Variants in ADAM22 observed in about 807,000 individuals in gnomAD.
ADAM22 encodes disintegrin and metalloproteinase domain-containing protein 22.
Under a neutral mutation model 144.6 loss-of-function variants are expected in ADAM22, and 65 were observed. That is an observed-to-expected ratio of 0.45 (90% CI 0.37 to 0.55). The LOEUF (loss-of-function observed/expected upper bound fraction) is 0.55, where lower values mean the gene tolerates loss of function less well. ADAM22 is among the 20% of genes least tolerant of loss of function. The pLI is 0.00. For missense variants in ADAM22, 974 were observed against 1,184.9 expected, an observed-to-expected ratio of 0.82 and a Z score of 2.61; for synonymous variants, 391 against 412.6, an observed-to-expected ratio of 0.95 and a Z score of 0.63.
At position 87,935,041 on chromosome 7, in the gene ADAM22, T is replaced by C. The variant is rs1840881123; in HGVS notation, c.101T>C (p.Met34Thr). The C allele has an allele frequency of 1.9e-6, 3 of 1,614,160 alleles. No homozygotes were observed. The highest frequency in any genetic ancestry group is 1.7e-5 in the Admixed American group (1 of 60,024). ...CTGCCTGGAGGAGACGCCTCATTGA[T>C]GGAGCTAGAGAAGAGGAAGGAAAAC... ...RCGQAGDASLMELEKRKENRF... is the reference protein window; with the variant it reads ...RCGQAGDASLTELEKRKENRF... Residue 34 changes from methionine to threonine, a missense_variant, in exon 2 of 32, where the codon ATG (methionine) becomes ACG (threonine). Met to Thr is a moderately conservative substitution (Grantham distance 81). Coordinates refer to ENST00000413139, the MANE Select transcript of ADAM22 (RefSeq NM_001324418.2).
rs771524294 is a variant in ADAM22 at position 88,193,144 on chromosome 7, T to A, written c.2779T>A (p.Ser927Thr). 2.5e-5 allele frequency: 40 copies of A among 1,614,130 alleles called. No homozygotes were observed. The highest frequency in any genetic ancestry group is 3.4e-5 in the Non-Finnish European group (40 of 1,179,980). Reference protein sequence around the residue: ...RTLSPAKSPSSSTGSIASSRK... With the variant: ...RTLSPAKSPSTSTGSIASSRK... The stretch of plus-strand genomic sequence containing the variant: ...TTTATCTCCTGCCAAGTCTCCTTCT[T>A]CATCAACTGGGTCTATTGCCTCCAG... The change falls in exon 31 of 32, where the codon TCA (serine) becomes ACA (threonine). Residue 927 changes from serine (S) to threonine (T), a missense_variant. Transcript: ENST00000413139.
intron 4 of ADAM22, among the ~76,000 whole-genome samples, chr7:88,103,589 A>G (rs545009750): frequency 6.6e-6 from 1 of 152,284 alleles, no homozygotes; most frequent in East Asian, 1.9e-4. Context: ...ATCAAGGAGT[A>G]TGAAGAAAGT....
chr7:88,142,282 C>T (rs992313446), intron 14 of ADAM22, among the ~76,000 whole-genome samples: 1 of 152,156 alleles, frequency 6.6e-6, no homozygotes, highest in Non-Finnish European at 1.5e-5. Flanking sequence ...CAAAAGGAAT[C>T]ACATTTGGTT....
chr7:88,119,561 T>C (rs964198712), intron 7 of ADAM22, among the ~76,000 whole-genome samples: 1 of 152,220 alleles, frequency 6.6e-6, no homozygotes, highest in Non-Finnish European at 1.5e-5. Context: ...CGATCTCGGC[T>C]CACTGCAGCC....
chr7:87,949,551 T>G (rs1403815245), intron 2 of ADAM22, among the ~76,000 whole-genome samples: 1 of 152,226 alleles, frequency 6.6e-6, no homozygotes, highest in Non-Finnish European at 1.5e-5. Flanking sequence ...TTTAAGACAA[T>G]GATGTATGTC....
At chr7:88,022,033 T>A (rs1797950608) in intron 3 of ADAM22, among the ~76,000 whole-genome samples, 1 of 151,916 alleles carries the variant, frequency 6.6e-6, no homozygotes, top group Non-Finnish European at 1.5e-5. Context: ...CCACCATGCC[T>A]GGCTAATTAA....
intron 14 of ADAM22, among the ~76,000 whole-genome samples, chr7:88,137,740 CT>C (rs1350353616): frequency 1.3e-5 from 2 of 152,106 alleles, no homozygotes; most frequent in African/African-American, 4.8e-5. Flanking sequence ...CATCATAATC[CT>C]TTGTACAAAC....
At chr7:88,035,539 T>A (rs1377733801) in intron 3 of ADAM22, among the ~76,000 whole-genome samples, 1 of 152,256 alleles carries the variant, frequency 6.6e-6, no homozygotes, top group Non-Finnish European at 1.5e-5. Context: ...ATTCATAGAT[T>A]CAACCAACCG....
At chr7:88,162,097 T>C (rs1306930515) in intron 22 of ADAM22, among the ~76,000 whole-genome samples, 2 of 136,744 alleles carry the variant, frequency 1.5e-5, no homozygotes, top group Admixed American at 7.4e-5. Flanking sequence ...AAATGTGTAA[T>C]ACACACACAC....
At chr7:88,073,385 A>C (rs921934138) in intron 3 of ADAM22, among the ~76,000 whole-genome samples, 1 of 152,216 alleles carries the variant, frequency 6.6e-6, no homozygotes, top group African/African-American at 2.4e-5. Flanking sequence ...CCCGGCTACC[A>C]TGCTGAGGGC....
rs544742823 is a variant in ADAM22 at position 88,079,370 on chromosome 7, C to T, written c.390+3678C>T. On this transcript the variant is annotated intron_variant, in intron 4 of 31. Transcript: ENST00000413139. ...AGCACTAAACAGGGAAAGGAACAAC[C>T]GGTACCAGCCGCTGCAAAAACATGC... Among the ~76,000 whole-genome samples, 366 of 152,252 alleles carry T rather than the reference C, an allele frequency of 2.4e-3. 3 individuals are homozygous for T. The highest frequency in any genetic ancestry group is 8.1e-3 in the African/African-American group (336 of 41,544).
chr7:88,020,181 T>A (rs1797499380), intron 3 of ADAM22, among the ~76,000 whole-genome samples: 1 of 152,156 alleles, frequency 6.6e-6, no homozygotes, highest in Admixed American at 6.5e-5. Context: ...TGAGTATTAG[T>A]CATGGCAAGG....
intron 23 of ADAM22, among the ~76,000 whole-genome samples, chr7:88,164,954 C>T (rs922585359): frequency 2.6e-5 from 4 of 152,034 alleles, no homozygotes; most frequent in Non-Finnish European, 1.5e-5. Context: ...AAACCTTTTT[C>T]GTTCTGCCTA....
intron 3 of ADAM22, among the ~76,000 whole-genome samples, chr7:88,064,425 A>G (rs992728827): frequency 1.3e-5 from 2 of 152,142 alleles, no homozygotes; most frequent in African/African-American, 2.4e-5. Context: ...CCTCATCTAT[A>G]TGGAGATACT....
intron 3 of ADAM22, among the ~76,000 whole-genome samples, chr7:88,019,673 C>G (rs1234487175): frequency 6.6e-6 from 1 of 151,910 alleles, no homozygotes; most frequent in African/African-American, 2.4e-5. Flanking sequence ...CACGGTAAAA[C>G]CCTGTGTCTA....
rs1325588683 is a variant in ADAM22, at chr7:87,982,066, TATAC to T, written c.323+3656_323+3659del. ...TTTCATATATATATATATATATATA[TATAC>T]ACACACACACACACACACACACACA... On this transcript the variant is annotated intron_variant, in intron 3 of 31. Coordinates refer to ENST00000413139, the MANE Select transcript of ADAM22 (RefSeq NM_001324418.2). Among the ~76,000 whole-genome samples, 489 of 86,402 alleles carry T rather than the reference TATAC, an allele frequency of 5.7e-3. 4 individuals carry two copies. The highest frequency in any genetic ancestry group is 0.024 in the African/African-American group (434 of 18,382). 56.7% of individuals were successfully genotyped at this position (86,402 alleles called of 152,430 possible).
rs754832182 is a variant in ADAM22, at chr7:88,193,215, G to C, written c.2850G>C (p.Lys950Asn). The C allele has an allele frequency of 2.5e-5, 40 of 1,614,058 alleles. No homozygotes were observed. The highest frequency in any genetic ancestry group is 3.4e-5 in the Non-Finnish European group (40 of 1,179,944). The change falls in exon 31 of 32, where the codon AAG (lysine) becomes AAC (asparagine). Residue 950 changes from lysine (K) to asparagine (N), a missense_variant. By Grantham distance (94) the Lys-to-Asn change is moderately conservative (BLOSUM62 0). Coordinates refer to ENST00000413139, the MANE Select transcript of ADAM22 (RefSeq NM_001324418.2). Reference sequence around the variant, plus strand: ...TGCCTCCACTTCCTGATGAGGACAAGAAAGTGAACCGACAAAGTGCCAGGG... The same window carrying C: ...TGCCTCCACTTCCTGATGAGGACAACAAAGTGAACCGACAAAGTGCCAGGG... ...YPMPPLPDED[K>N]KVNRQSARLW...
Position 88,116,821 on chromosome 7 carries a change from T to A in ADAM22, c.607+7T>A. On this transcript the variant is annotated splice_region_variant and intron_variant, in intron 7 of 31. Coordinates refer to ENST00000413139, the MANE Select transcript of ADAM22 (RefSeq NM_001324418.2). ...TTGGATGATCTTCCATCTGGTATGA[T>A]GTTCATATAGTGACTTTTTATCTAA... 2 of 1,601,156 alleles carry A rather than the reference T, an allele frequency of 1.2e-6. No individual in the cohort carries two copies. The highest frequency in any genetic ancestry group is 1.3e-5 in the African/African-American group (1 of 74,756).
intron 11 of ADAM22, 56 bp from the exon 12 acceptor site, chr7:88,132,811 G>T: frequency 7.4e-7 from 1 of 1,354,374 alleles, no homozygotes; most frequent in South Asian, 1.2e-5. Flanking sequence ...ATAATGAGGG[G>T]TGCTATGATG....
Sources: gnomAD v4.1 joint callset for allele counts (sites outside exome capture counted in the v4.1 genomes callset) on GRCh38, gnomAD v4.1.1 for gene constraint, MANE v1.5 for transcripts, NCBI Gene and HGNC (gene_info 2026-07-23, HGNC 2026-07-21) for gene names.